The following TMEM51 variants were observed in gnomAD, a reference collection of about 807,000 sequenced individuals.
The protein encoded by TMEM51 is transmembrane protein 51, also known as chromosome 1 open reading frame 72.
TMEM51 carries 8 observed loss-of-function variants against 13.6 expected under a neutral mutation model. The ratio of observed to expected loss-of-function variants is 0.59; its 90% CI spans 0.35 to 1.07. The LOEUF (loss-of-function observed/expected upper bound fraction) is 1.07. Ranked by LOEUF, TMEM51 falls within the 50% of genes least tolerant of loss-of-function variation. TMEM51 has a pLI of 0.02. For synonymous variants in TMEM51, 147 were observed against 144.4 expected (o/e 1.02, Z -0.13); for missense variants, 279 against 330.7 (o/e 0.84, Z 1.21).
rs781486224 is a variant in TMEM51 at position 15,215,430 on chromosome 1, A to C, written c.343A>C (p.Ser115Arg). 7 of 1,595,466 alleles carry C rather than the reference A, an allele frequency of 4.4e-6. No individual in the cohort carries two copies. Among genetic ancestry groups the C allele is most frequent in the Non-Finnish European group, 4.3e-6 (5 of 1,172,802 alleles). ...TGGGCCTCACGCCCAGGAGGAAGAC[A>C]GGTGAGGCCTGACTGTCCCCTTCCC... is the stretch of plus-strand genomic sequence containing the variant. The part of the protein sequence containing the change: ...GAGPHAQEED[S>R]QEEEEEDEEA... Residue 115 changes from serine (S) to arginine (R), a missense_variant and splice_region_variant, in exon 3 of 4, where the codon AGC (serine) becomes CGC (arginine). Transcript: ENST00000376008.
chr1:15,180,558 T>G (rs763586099), intron 1 of TMEM51, among the ~76,000 whole-genome samples: 2 of 152,172 alleles, frequency 1.3e-5, no homozygotes, highest in Non-Finnish European at 2.9e-5. Context: ...CTGATTGTTT[T>G]GGGGGCATGT....
chr1:15,160,040 G>T (rs1642722759), intron 1 of TMEM51, among the ~76,000 whole-genome samples: 1 of 152,202 alleles, frequency 6.6e-6, no homozygotes, highest in Non-Finnish European at 1.5e-5. Context: ...TCTCCAGGAG[G>T]TTTTGCTATT....
chr1:15,206,310 T>A, intron 1 of TMEM51, among the ~76,000 whole-genome samples: 1 of 147,956 alleles, frequency 6.8e-6, no homozygotes, highest in African/African-American at 2.5e-5. Context: ...TGTCACCCCC[T>A]CACACTTTTG....
intron 1 of TMEM51, among the ~76,000 whole-genome samples, chr1:15,188,618 G>T (rs527981440): frequency 1.3e-5 from 2 of 152,338 alleles, no homozygotes; most frequent in Middle Eastern, 3.4e-3. Flanking sequence ...TACTTGAAGG[G>T]TCTCTGCAGT....
intron 2 of TMEM51, 39 bp from the exon 3 acceptor site, chr1:15,214,856 A>G (rs1644399480): frequency 1.8e-6 from 1 of 546,586 alleles, no homozygotes; most frequent in Admixed American, 3.3e-5. Flanking sequence ...CTGGAATCGG[A>G]ACTGATCGTC....
rs140657190 is a variant in TMEM51, at chr1:15,216,630, G to GA, written c.344+1200dup. 8.9e-3 allele frequency among the ~76,000 whole-genome samples: 1,354 copies of GA among 152,262 alleles called. 12 individuals are homozygous for GA. The highest frequency in any genetic ancestry group is 0.017 in the Admixed American group (255 of 15,286). Reference sequence around the variant, plus strand: ...CCTATTTATAAGAGTTTATCCCTGGGAGACAGTCCCACAGGTGCAAAGGAG... The same window carrying GA: ...CCTATTTATAAGAGTTTATCCCTGGGAAGACAGTCCCACAGGTGCAAAGGAG... On this transcript the variant is annotated intron_variant, in intron 3 of 3. Transcript: ENST00000376008.
chr1:15,189,540 C>G (rs1428943950), intron 1 of TMEM51, among the ~76,000 whole-genome samples: 1 of 152,178 alleles, frequency 6.6e-6, no homozygotes, highest in Non-Finnish European at 1.5e-5. Context: ...AGAGATGATG[C>G]TGGCATAGCT....
At position 15,210,569 on chromosome 1, in the gene TMEM51, AC is replaced by A. The variant is rs1644323078; in HGVS notation, c.-194+9del. On this transcript the variant is annotated splice_region_variant and intron_variant, in intron 2 of 3. Transcript: ENST00000376008. ...TCTCCTCAAATAACAACAGGTAGAT[AC>A]CTCTCTAACTGGTTAATAATTTTTC... 1 of 152,160 alleles carries A rather than the reference AC, an allele frequency of 6.6e-6. No homozygotes were observed. The highest frequency in any genetic ancestry group is 2.4e-5 in the African/African-American group (1 of 41,416). The allele number at this position is 152,160 out of a possible 1,614,324, so 9.4% of individuals were successfully genotyped here.
intron 1 of TMEM51, among the ~76,000 whole-genome samples, chr1:15,185,355 C>T (rs1643743480): frequency 6.6e-6 from 1 of 152,202 alleles, no homozygotes; most frequent in East Asian, 1.9e-4. Context: ...GTGACCTAGG[C>T]AGCCTTCTCT....
intron 1 of TMEM51, chr1:15,168,738 A>G: frequency 7.7e-7 from 1 of 1,304,540 alleles, no homozygotes; most frequent in Non-Finnish European, 1.0e-6. Flanking sequence ...GTCTCACAGA[A>G]AGGAGCAGAC....
At chr1:15,204,980 C>T (rs1221490814) in intron 1 of TMEM51, among the ~76,000 whole-genome samples, 2 of 151,976 alleles carry the variant, frequency 1.3e-5, no homozygotes, top group Admixed American at 1.3e-4. Context: ...ATTGGGCTGA[C>T]GGGGACAGGA....
intron 1 of TMEM51, among the ~76,000 whole-genome samples, chr1:15,190,944 C>T (rs566480795): frequency 2.6e-5 from 4 of 152,116 alleles, no homozygotes; most frequent in Admixed American, 1.3e-4. Flanking sequence ...CGTGCCACCA[C>T]ACCCGGCTAA....
chr1:15,183,641 G>A (rs185995187), intron 1 of TMEM51, among the ~76,000 whole-genome samples: 24 of 152,346 alleles, frequency 1.6e-4, no homozygotes, highest in Admixed American at 1.4e-3. Flanking sequence ...AGTGCCTTCT[G>A]TGTGTTTGGT....
At chr1:15,201,147 T>G (rs1034059996) in intron 1 of TMEM51, among the ~76,000 whole-genome samples, 10 of 152,234 alleles carry the variant, frequency 6.6e-5, no homozygotes, top group Non-Finnish European at 1.5e-4. Flanking sequence ...TGTGTGACTT[T>G]GAGCAAGTTT....
intron 1 of TMEM51, chr1:15,168,873 A>G: frequency 1.7e-6 from 2 of 1,190,248 alleles, no homozygotes; most frequent in Non-Finnish European, 2.1e-6. Flanking sequence ...GACTACCCTT[A>G]TTAGAGTCAA....
rs113913409 is a variant in TMEM51, at chr1:15,173,159, G to A, written c.-267+19205G>A. Among the ~76,000 whole-genome samples the A allele has an allele frequency of 3.2e-3, 488 of 151,772 alleles. 3 individuals are homozygous for A. Among genetic ancestry groups the A allele is most frequent in the African/African-American group, 0.011 (464 of 41,398 alleles). On this transcript the variant is annotated intron_variant, in intron 1 of 3. Coordinates refer to ENST00000376008, the MANE Select transcript of TMEM51 (RefSeq NM_001136218.2). ...GACATGCCTAGGGAGTAGGTCAGAT[G>A]GGCCCAGCATCTCCTCTTTCTGCTT...
Position 15,219,810 on chromosome 1 carries a change from C to G in TMEM51, c.*67C>G, listed in dbSNP as rs1051102325. ...TTTCACCCCCAAGACTCTAACAAAGCCACATGAGCCACAGTTGAGAAGCGG... is the reference window on the plus strand; with the variant it reads ...TTTCACCCCCAAGACTCTAACAAAGGCACATGAGCCACAGTTGAGAAGCGG... On this transcript the variant is annotated 3_prime_UTR_variant, in exon 4 of 4. Transcript: ENST00000376008. 13 of 1,530,296 alleles carry G rather than the reference C, an allele frequency of 8.5e-6. No individual in the cohort carries two copies. In the Admixed American group the frequency reaches 2.3e-4, roughly 27 times the overall value. 94.8% of individuals were successfully genotyped at this position (1,530,296 alleles called of 1,614,324 possible).
intron 1 of TMEM51, among the ~76,000 whole-genome samples, chr1:15,189,889 C>T (rs1018801321): frequency 2.6e-5 from 4 of 152,240 alleles, no homozygotes; most frequent in African/African-American, 7.2e-5. Context: ...CAGGGGCTAA[C>T]CCAAGGTGGC....
At chr1:15,199,251 G>A (rs1396529776) in intron 1 of TMEM51, among the ~76,000 whole-genome samples, 4 of 151,850 alleles carry the variant, frequency 2.6e-5, no homozygotes, top group African/African-American at 9.7e-5. Flanking sequence ...TCCTGCCTCA[G>A]CCTCCCGAGT....
Sources: allele counts gnomAD v4.1 joint callset (sites outside exome capture counted in the v4.1 genomes callset), GRCh38; gene constraint gnomAD v4.1.1; transcripts MANE v1.5; gene names NCBI Gene and HGNC (gene_info 2026-07-23, HGNC 2026-07-21).